CLTB: variants seen among roughly 807,000 people sequenced by gnomAD.
CLTB encodes clathrin light chain B, also known as clathrin, light chain (Lcb).
CLTB carries 10 observed loss-of-function variants against 30.5 expected under a neutral mutation model. The observed-to-expected ratio is 0.33, with a 90% CI of 0.20 to 0.56. The LOEUF (loss-of-function observed/expected upper bound fraction) is 0.56. Ranked by LOEUF, CLTB falls within the 20% of genes least tolerant of loss-of-function variation. The pLI is 0.91. For missense variants in CLTB, 261 were observed against 308.3 expected, an observed-to-expected ratio of 0.85 and a Z score of 1.15; for synonymous variants, 102 against 120.3, an observed-to-expected ratio of 0.85 and a Z score of 1.00.
chr5:176,397,772 C>T (rs987877373), intron 3 of CLTB, 54 bp from the exon 4 acceptor site: 28 of 1,559,338 alleles, frequency 1.8e-5, no homozygotes, highest in East Asian at 4.5e-5. Flanking sequence ...TGCACAGGCC[C>T]GGCCGCGCTC....
Position 176,416,330 on chromosome 5 carries a change from CCGA to C in CLTB, c.31_33del (p.Ser11del). 1.9e-6 allele frequency: 3 copies of C among 1,601,894 alleles called. No individual in the cohort carries two copies. Among genetic ancestry groups the C allele is most frequent in the Non-Finnish European group, 2.6e-6 (3 of 1,175,968 alleles). ...TCCGCCGCCTCCGGGGCACCGCTCT[CCGA>C]CGACGAGAAGAAGCCAAAGTCATCA... On this transcript the variant is annotated inframe_deletion, in exon 1 of 6. Coordinates refer to ENST00000310418, the MANE Select transcript of CLTB (RefSeq NM_007097.5).
intron 1 of CLTB, among the ~76,000 whole-genome samples, chr5:176,412,333 T>C (rs1757485206): frequency 6.6e-6 from 1 of 152,140 alleles, no homozygotes; most frequent in South Asian, 2.1e-4. Context: ...TATCATACAG[T>C]ATCCTGCACC....
intron 1 of CLTB, among the ~76,000 whole-genome samples, chr5:176,412,002 C>T (rs907802446): frequency 1.3e-5 from 2 of 151,890 alleles, no homozygotes; most frequent in Non-Finnish European, 2.9e-5. Context: ...CGGTGAAACC[C>T]CGTCTCTACT....
At chr5:176,399,036 G>T (rs1180102614) in intron 2 of CLTB, among the ~76,000 whole-genome samples, 2 of 151,982 alleles carry the variant, frequency 1.3e-5, no homozygotes, top group South Asian at 2.1e-4. Flanking sequence ...TAGAGACGGG[G>T]TTTCTCCATG....
chr5:176,399,344 C>G (rs777848876), intron 2 of CLTB, among the ~76,000 whole-genome samples: 2 of 152,206 alleles, frequency 1.3e-5, no homozygotes, highest in Non-Finnish European at 2.9e-5. Flanking sequence ...AGAACTTGGA[C>G]TCTGCAGCCA....
chr5:176,407,909 A>G (rs1197776908), intron 2 of CLTB, among the ~76,000 whole-genome samples: 1 of 152,108 alleles, frequency 6.6e-6, no homozygotes, highest in Non-Finnish European at 1.5e-5. Flanking sequence ...CCTCTTACAT[A>G]AGAAAATAAG....
chr5:176,393,059 G>A lies in CLTB; in HGVS notation c.519-114C>T. 2 of 1,204,912 alleles carry A rather than the reference G, an allele frequency of 1.7e-6. No individual in the cohort carries two copies. Among genetic ancestry groups the A allele is most frequent in the East Asian group, 2.3e-5 (1 of 42,880 alleles). The allele number at this position is 1,204,912 out of a possible 1,614,324, so 74.6% of individuals were successfully genotyped here. On this transcript the variant is annotated intron_variant, in intron 5 of 5. Transcript: ENST00000310418. This position sits in a 1 kb window ranked among gnomAD's most constrained non-coding sequence, Gnocchi z 4.4. The stretch of plus-strand genomic sequence containing the variant: ...GGGGCACTGTGTCCTCCCCAGCCTT[G>A]TGCCCCCCTGACTTCAGAGGAGGGC...
intron 2 of CLTB, chr5:176,406,129 G>C (rs1366896617): frequency 1.0e-6 from 1 of 985,700 alleles, no homozygotes; most frequent in African/African-American, 1.7e-5. Flanking sequence ...CAGTGTCACG[G>C]GCCACAACTG....
At chr5:176,411,899 G>A (rs867978079) in intron 1 of CLTB, among the ~76,000 whole-genome samples, 9 of 151,958 alleles carry the variant, frequency 5.9e-5, no homozygotes, top group Admixed American at 2.0e-4. Context: ...TTTTTGGGCC[G>A]GGCGTGGTGG....
intron 2 of CLTB, among the ~76,000 whole-genome samples, chr5:176,404,677 C>G (rs1022399092): frequency 1.3e-5 from 2 of 152,240 alleles, no homozygotes; most frequent in African/African-American, 4.8e-5. Flanking sequence ...CCACCAGCTG[C>G]AAGGCCCACT....
At chr5:176,404,258 T>G (rs1756984235) in intron 2 of CLTB, among the ~76,000 whole-genome samples, 1 of 152,206 alleles carries the variant, frequency 6.6e-6, no homozygotes, top group Non-Finnish European at 1.5e-5. Context: ...GACTAGAGAC[T>G]GGGTCCCCAG....
chr5:176,397,835 T>A lies in CLTB; in HGVS notation c.352+95A>T. 4.8e-6 allele frequency: 7 copies of A among 1,463,632 alleles called. No homozygotes were observed. In the South Asian group the frequency reaches 8.0e-5, roughly 17 times the overall value. The allele number at this position is 1,463,632 out of a possible 1,614,324, so 90.7% of individuals were successfully genotyped here. ...AGGGCCGCACCGGCCCAGTCCCACA[T>A]TAAGGCATGCAGCATCCCATGCACT... On this transcript the variant is annotated intron_variant, in intron 3 of 5. Coordinates refer to ENST00000310418, the MANE Select transcript of CLTB (RefSeq NM_007097.5).
At chr5:176,410,345 T>C (rs560715139) in intron 1 of CLTB, 42 bp from the exon 2 acceptor site, 3 of 1,586,270 alleles carry the variant, frequency 1.9e-6, no homozygotes, top group Non-Finnish European at 2.6e-6. Flanking sequence ...ACTGTTTAGC[T>C]TATAGCAAGC....
intron 2 of CLTB, among the ~76,000 whole-genome samples, chr5:176,401,101 G>A (rs1014351647): frequency 6.6e-6 from 1 of 152,164 alleles, no homozygotes; most frequent in Non-Finnish European, 1.5e-5. Flanking sequence ...ATCCCAGTGG[G>A]CCCTTCTGGG....
intron 2 of CLTB, among the ~76,000 whole-genome samples, chr5:176,400,059 C>T (rs1173506986): frequency 1.3e-5 from 2 of 151,582 alleles, no homozygotes; most frequent in Non-Finnish European, 2.9e-5. Flanking sequence ...GGTGTGGTGG[C>T]CCGCACCTGT....
rs772172434 is a variant in CLTB at position 176,416,307 on chromosome 5, C to G, written c.57G>C (p.Ala19=). 5 of 1,604,490 alleles carry G rather than the reference C, an allele frequency of 3.1e-6. No homozygotes were observed. In the African/African-American group the frequency reaches 4.1e-5, roughly 13 times the overall value. The part of the protein sequence containing the change: ...SSSESGAPEA[A]EEDPAAAFLA... ...GGAAGGCGGCCGCCGGGTCCTCCTC[C>G]GCCGCCTCCGGGGCACCGCTCTCCG... Residue 19 remains alanine, a synonymous_variant, in exon 1 of 6, where the codon GCG becomes GCC. Coordinates refer to ENST00000310418, the MANE Select transcript of CLTB (RefSeq NM_007097.5).
intron 2 of CLTB, among the ~76,000 whole-genome samples, chr5:176,405,107 T>A (rs1757038050): frequency 6.6e-6 from 1 of 152,202 alleles, no homozygotes; most frequent in Non-Finnish European, 1.5e-5. Flanking sequence ...GAACTCAATC[T>A]GTTAGCTCCT....
chr5:176,416,031 A>T lies in CLTB; in HGVS notation c.187+146T>A. 5.6e-6 allele frequency: 4 copies of T among 714,366 alleles called. No individual in the cohort carries two copies. The South Asian group carries it at 8.4e-5, about 15-fold the overall frequency. 44.3% of individuals were successfully genotyped at this position (714,366 alleles called of 1,614,324 possible). A position where few individuals can be genotyped will look rare whatever the true frequency, so the allele number is the denominator to read the frequency against. ...TCCCCAGCTCGGAAGTCCTACATGGAGATCTCCAAGAAGATTCTTCCCCAC... is the reference window on the plus strand; with the variant it reads ...TCCCCAGCTCGGAAGTCCTACATGGTGATCTCCAAGAAGATTCTTCCCCAC... On this transcript the variant is annotated intron_variant, in intron 1 of 5. Transcript: ENST00000310418.
Position 176,392,749 on chromosome 5 carries a change from CTG to C in CLTB, c.*23_*24del. 1 of 1,612,242 alleles carries C rather than the reference CTG, an allele frequency of 6.2e-7. No homozygotes were observed. The highest frequency in any genetic ancestry group is 8.5e-7 in the Non-Finnish European group (1 of 1,179,100). On this transcript the variant is annotated 3_prime_UTR_variant, in exon 6 of 6. Coordinates refer to ENST00000310418, the MANE Select transcript of CLTB (RefSeq NM_007097.5). This position sits in a 1 kb window ranked among gnomAD's most constrained non-coding sequence, Gnocchi z 5.2. ...CCTGTGCCCAGGCCCAGCCCATGCTCTGTGGCCATGCACCTAGCAGGCACCTA... is the reference window on the plus strand; with the variant it reads ...CCTGTGCCCAGGCCCAGCCCATGCTCTGGCCATGCACCTAGCAGGCACCTA...
Sources: gnomAD v4.1 joint callset for allele counts (sites outside exome capture counted in the v4.1 genomes callset) on GRCh38, gnomAD v4.1.1 for gene constraint, Gnocchi (gnomAD v3.1) non-coding constraint, MANE v1.5 for transcripts, NCBI Gene and HGNC (gene_info 2026-07-23, HGNC 2026-07-21) for gene names.